Variants in NETO2 observed in about 807,000 individuals in gnomAD.
NETO2 encodes the protein neuropilin and tolloid-like protein 2.
A neutral mutation model predicts 62.5 loss-of-function variants in NETO2; 28 were observed. The observed-to-expected ratio is 0.45, with a 90% confidence interval of 0.33 to 0.61. NETO2 has a LOEUF of 0.61. Ranked by LOEUF, NETO2 falls within the 20% of genes least tolerant of loss-of-function variation. The probability of loss-of-function intolerance (pLI) is 0.02; values close to 1 mark genes in which losing one functional copy is unlikely to be tolerated. For missense variants in NETO2, 548 were observed against 643.2 expected (o/e 0.85, Z 1.60); for synonymous variants, 214 against 219.1 (o/e 0.98, Z 0.21).
chr16:47,111,491 G>A lies in NETO2; in HGVS notation c.655-1780C>T, dbSNP rs897814601. On this transcript the variant is annotated intron_variant, in intron 6 of 8. Coordinates refer to ENST00000562435, the MANE Select transcript of NETO2 (RefSeq NM_018092.5). ...AATTTTTGGGAAATATTCATAACGT[G>A]AATCTGACAAATTGCAATGTTGGGA... Among the ~76,000 whole-genome samples, 9 of 152,304 alleles carry A rather than the reference G, an allele frequency of 5.9e-5. No individual in the cohort carries two copies. The East Asian group carries it at 7.7e-4, about 13-fold the overall frequency.
At chr16:47,133,079 A>C (rs1964299312) in intron 1 of NETO2, among the ~76,000 whole-genome samples, 1 of 152,228 alleles carries the variant, frequency 6.6e-6, no homozygotes, top group African/African-American at 2.4e-5. Context: ...ATCCACAAGG[A>C]ATCAATGTAT....
chr16:47,098,010 C>T (rs1567383134), intron 7 of NETO2, among the ~76,000 whole-genome samples: 1 of 152,134 alleles, frequency 6.6e-6, no homozygotes, highest in Admixed American at 6.5e-5. Context: ...ACACATAAAC[C>T]ACATCCAAAG....
At position 47,081,551 on chromosome 16, in the gene NETO2, T is replaced by G. The variant is rs1469280540; in HGVS notation, c.*1670A>C. 1 of 152,586 alleles carries G rather than the reference T, an allele frequency of 6.6e-6. No homozygotes were observed. The highest frequency in any genetic ancestry group is 1.5e-5 in the Non-Finnish European group (1 of 67,982). 9.5% of individuals were successfully genotyped at this position (152,586 alleles called of 1,614,324 possible). A position where few individuals can be genotyped will look rare whatever the true frequency, so the allele number is the denominator to read the frequency against. On this transcript the variant is annotated 3_prime_UTR_variant, in exon 9 of 9. Transcript: ENST00000562435. ...GCACTCTGAGGCAGTATATGTGTAT[T>G]AAATTTAAGGTCACAATTTTCACTA...
At chr16:47,123,017 G>A in intron 4 of NETO2, 105 bp from the exon 5 acceptor site, 2 of 1,071,474 alleles carry the variant, frequency 1.9e-6, no homozygotes, top group South Asian at 1.5e-5. Context: ...GGTAAGAGAA[G>A]CTTTCATTGG....
intron 6 of NETO2, among the ~76,000 whole-genome samples, chr16:47,120,225 T>C (rs1964009143): frequency 6.6e-6 from 1 of 152,200 alleles, no homozygotes; most frequent in Non-Finnish European, 1.5e-5. Context: ...TTTTTTGACA[T>C]TTGTCTGTTA....
At position 47,086,219 on chromosome 16, in the gene NETO2, A is replaced by G. The variant is rs1437513981; in HGVS notation, c.997+7T>C. The G allele has an allele frequency of 6.4e-7, 1 of 1,552,434 alleles. No individual in the cohort carries two copies. On this transcript the variant is annotated splice_region_variant and intron_variant, in intron 8 of 8. Transcript: ENST00000562435. The stretch of plus-strand genomic sequence containing the variant: ...CTCAAAAATGTTGGCCTTTACATCA[A>G]ACTCACCTTTACAATGATTTTCATC...
chr16:47,113,735 G>T (rs1963851329), intron 6 of NETO2, among the ~76,000 whole-genome samples: 1 of 151,696 alleles, frequency 6.6e-6, no homozygotes, highest in Non-Finnish European at 1.5e-5. Flanking sequence ...GGGATTACAG[G>T]CACCTGCCAC....
intron 6 of NETO2, among the ~76,000 whole-genome samples, chr16:47,111,377 A>G (rs1440281671): frequency 6.6e-6 from 1 of 152,240 alleles, no homozygotes; most frequent in Non-Finnish European, 1.5e-5. Context: ...ATATTTTTAA[A>G]AAAACATCGA....
Position 47,133,669 on chromosome 16 carries a change from T to G in NETO2, c.35-1644A>C, listed in dbSNP as rs1964315466. Among the ~76,000 whole-genome samples the G allele has an allele frequency of 3.4e-5, 5 of 147,960 alleles. No homozygotes were observed. The South Asian group carries it at 1.1e-3, about 31-fold the overall frequency. ...AATAAAATAAAATAAAATAAAAACATGGAGGCATGAGCTCTAACCTACAGC... is the reference window on the plus strand; with the variant it reads ...AATAAAATAAAATAAAATAAAAACAGGGAGGCATGAGCTCTAACCTACAGC... On this transcript the variant is annotated intron_variant, in intron 1 of 8. Transcript: ENST00000562435.
intron 4 of NETO2, among the ~76,000 whole-genome samples, chr16:47,125,155 T>A (rs2151487775): frequency 6.6e-6 from 1 of 152,350 alleles, no homozygotes; most frequent in East Asian, 1.9e-4. Context: ...AGTATCTTCA[T>A]GACACTAATG....
At chr16:47,096,839 G>C (rs1463558698) in intron 7 of NETO2, among the ~76,000 whole-genome samples, 1 of 152,210 alleles carries the variant, frequency 6.6e-6, no homozygotes, top group Non-Finnish European at 1.5e-5. Flanking sequence ...GAGGTACCCA[G>C]CTCATTTCAC....
chr16:47,114,696 C>G (rs1021048296), intron 6 of NETO2, among the ~76,000 whole-genome samples: 1 of 151,790 alleles, frequency 6.6e-6, no homozygotes, highest in Admixed American at 6.6e-5. Flanking sequence ...GAGATCCGCC[C>G]GCCTCAGCCT....
At position 47,081,705 on chromosome 16, in the gene NETO2, G is replaced by C. The variant is rs1297220580; in HGVS notation, c.*1516C>G. The C allele has an allele frequency of 6.6e-6, 1 of 152,442 alleles. No homozygotes were observed. The highest frequency in any genetic ancestry group is 1.5e-5 in the Non-Finnish European group (1 of 67,972). 9.4% of individuals were successfully genotyped at this position (152,442 alleles called of 1,614,324 possible). On this transcript the variant is annotated 3_prime_UTR_variant, in exon 9 of 9. Transcript: ENST00000562435. ...TTTACCTCTTTTAAATGGCATGTCT[G>C]TATTACTTACAATTTGATAAATGAG...
chr16:47,124,104 A>G (rs1964102751), intron 4 of NETO2, among the ~76,000 whole-genome samples: 1 of 152,224 alleles, frequency 6.6e-6, no homozygotes, highest in Non-Finnish European at 1.5e-5. Flanking sequence ...ATCAAATTAC[A>G]TATTTTAAAA....
At chr16:47,112,618 C>A (rs996839367) in intron 6 of NETO2, among the ~76,000 whole-genome samples, 1 of 152,158 alleles carries the variant, frequency 6.6e-6, no homozygotes, top group Non-Finnish European at 1.5e-5. Flanking sequence ...CCTCAGACTC[C>A]CAAAGTGCTG....
intron 7 of NETO2, among the ~76,000 whole-genome samples, chr16:47,108,939 AG>A (rs1380929756): frequency 2.0e-5 from 3 of 152,244 alleles, no homozygotes; most frequent in Admixed American, 2.0e-4. Flanking sequence ...TGATGACCAT[AG>A]TTTCATGGAT....
chr16:47,119,235 T>A (rs1596732729), intron 6 of NETO2, among the ~76,000 whole-genome samples: 1 of 151,638 alleles, frequency 6.6e-6, no homozygotes, highest in East Asian at 1.9e-4. Flanking sequence ...CACTGCAAGC[T>A]CCGCCTCCTG....
intron 6 of NETO2, among the ~76,000 whole-genome samples, chr16:47,121,514 A>AG (rs1964040603): frequency 1.3e-5 from 2 of 152,308 alleles, no homozygotes; most frequent in East Asian, 1.9e-4. Context: ...GTATAAAGCT[A>AG]GGGGGGACCC....
chr16:47,114,727 G>A (rs1283949363), intron 6 of NETO2, among the ~76,000 whole-genome samples: 1 of 151,994 alleles, frequency 6.6e-6, no homozygotes, highest in East Asian at 1.9e-4. Flanking sequence ...TGGGATTACA[G>A]ATGTGAGCCA....
Sources: allele counts gnomAD v4.1 joint callset (sites outside exome capture counted in the v4.1 genomes callset), GRCh38; gene constraint gnomAD v4.1.1; transcripts MANE v1.5; gene names NCBI Gene and HGNC (gene_info 2026-07-23, HGNC 2026-07-21).